BTBD3: variants seen among roughly 807,000 people sequenced by gnomAD.
BTBD3 encodes BTB domain containing 3.
In BTBD3, 14 loss-of-function variants were observed where a neutral mutation model predicts 41.6. That is an observed-to-expected ratio of 0.34 (90% CI 0.22 to 0.53). The LOEUF (loss-of-function observed/expected upper bound fraction) is 0.53, where lower values mean the gene tolerates loss of function less well. Ranked by LOEUF, BTBD3 falls within the 20% of genes least tolerant of loss-of-function variation. The pLI is 0.95. For missense variants in BTBD3, 426 were observed against 654.7 expected, an observed-to-expected ratio of 0.65 and a Z score of 3.81; for synonymous variants, 249 against 233.7, an observed-to-expected ratio of 1.07 and a Z score of -0.60.
chr20:11,914,460 C>A (rs747750633), upstream of BTBD3, among the ~76,000 whole-genome samples: 2 of 152,056 alleles, frequency 1.3e-5, no homozygotes, highest in Non-Finnish European at 2.9e-5. Flanking sequence ...AATAAATGCA[C>A]ACATACTGCC....
intron 3 of BTBD3, among the ~76,000 whole-genome samples, chr20:11,921,905 T>C (rs2056972927): frequency 6.6e-6 from 1 of 152,158 alleles, no homozygotes; most frequent in Non-Finnish European, 1.5e-5. Flanking sequence ...TCCTGTGAAG[T>C]GTTTTATATC....
At chr20:11,904,837 G>A (rs2056844092) in intron 1 of BTBD3, among the ~76,000 whole-genome samples, 1 of 152,186 alleles carries the variant, frequency 6.6e-6, no homozygotes, top group African/African-American at 2.4e-5. Flanking sequence ...TAATTGCCAT[G>A]TGGAATCTAA....
chr20:11,919,796 A>G lies in BTBD3; in HGVS notation c.496A>G (p.Ile166Val), dbSNP rs746149487. 5 of 1,614,086 alleles carry G rather than the reference A, an allele frequency of 3.1e-6. No homozygotes were observed. Among genetic ancestry groups the G allele is most frequent in the South Asian group, 2.2e-5 (2 of 91,088 alleles). The change falls in exon 3 of 4, where the codon ATA becomes GTA. Residue 166 changes from isoleucine (I) to valine (V), a missense_variant. Ile to Val is a conservative substitution (Grantham distance 29). Around this residue, in one of 3 missense-constraint regions of BTBD3, gnomAD observed 321 missense variants for 534.8 expected, o/e 0.60. Transcript: ENST00000378226. ...TGCAGAGGACAAAGATGAAATCCGT[A>G]TACCAGATGTCGAACCTGCTGCTTT... is the stretch of plus-strand genomic sequence containing the variant. ...ELAEDKDEIR[I>V]PDVEPAAFLA...
intron 2 of BTBD3, 107 bp downstream of exon 2, chr20:11,919,283 T>C: frequency 1.5e-6 from 2 of 1,351,418 alleles, no homozygotes; most frequent in Non-Finnish European, 2.0e-6. Context: ...AGGCAGTGCA[T>C]GTTTCACTCG....
intron 1 of BTBD3, among the ~76,000 whole-genome samples, chr20:11,911,277 C>T (rs562889993): frequency 2.6e-5 from 4 of 152,242 alleles, no homozygotes; most frequent in Non-Finnish European, 4.4e-5. Context: ...ATGGCACTTA[C>T]ATATGTACAC....
chr20:11,919,487 A>G (rs1457526189), intron 2 of BTBD3: 4 of 1,324,094 alleles, frequency 3.0e-6, no homozygotes, highest in Non-Finnish European at 4.0e-6. Context: ...TATTGTATGT[A>G]TTTAGTAATG....
intron 3 of BTBD3, among the ~76,000 whole-genome samples, chr20:11,921,239 A>G (rs2056967647): frequency 1.3e-5 from 2 of 152,260 alleles, no homozygotes; most frequent in Admixed American, 1.3e-4. Context: ...CAAGAATGGC[A>G]GAGAATTACA....
At chr20:11,916,916 C>T (rs188973158), upstream of BTBD3, among the ~76,000 whole-genome samples, 347 of 152,124 alleles carry the variant, frequency 2.3e-3, 1 homozygote, top group African/African-American at 6.7e-3. Context: ...TACTCACCAA[C>T]GCTAGAAATG....
At chr20:11,907,550 A>C (rs1396576074) in intron 1 of BTBD3, among the ~76,000 whole-genome samples, 3 of 152,234 alleles carry the variant, frequency 2.0e-5, no homozygotes, top group Admixed American at 2.0e-4. Flanking sequence ...ATGGAGATGC[A>C]GTCCTCAGAG....
In BTBD3 at chr20:11,922,964, T is replaced by C. The variant is rs996360240; in HGVS notation, c.867T>C (p.Ala289=). 1 of 1,614,220 alleles carries C rather than the reference T, an allele frequency of 6.2e-7. No individual in the cohort carries two copies. Among genetic ancestry groups the C allele is most frequent in the Non-Finnish European group, 8.5e-7 (1 of 1,180,044 alleles). ...NAKEIVVFEA[A]LNWAEVECQR... ...AAGAAATTGTGGTTTTTGAGGCAGC[T>C]CTCAACTGGGCTGAAGTAGAATGCC... is the stretch of plus-strand genomic sequence containing the variant. Residue 289 remains alanine, a synonymous_variant, in exon 4 of 4, where the codon GCT becomes GCC. Coordinates refer to ENST00000378226, the MANE Select transcript of BTBD3 (RefSeq NM_014962.4).
chr20:11,923,567 G>T lies in BTBD3; in HGVS notation c.1470G>T (p.Gln490His). The T allele has an allele frequency of 1.2e-6, 2 of 1,614,198 alleles. No individual in the cohort carries two copies. The highest frequency in any genetic ancestry group is 1.1e-5 in the South Asian group (1 of 91,082). Residue 490 changes from glutamine to histidine, a missense_variant, in exon 4 of 4, where the codon CAG becomes CAT. Coordinates refer to ENST00000378226, the MANE Select transcript of BTBD3 (RefSeq NM_014962.4). This position sits in a 1 kb window ranked among gnomAD's most constrained non-coding sequence, Gnocchi z 5.3. ...YFGQEGMTEV[Q>H]CGKVTVQFQC... The stretch of plus-strand genomic sequence containing the variant: ...GACAAGAAGGCATGACAGAAGTTCA[G>T]TGTGGCAAAGTGACTGTCCAGTTTC...
At chr20:11,913,252 ATTAG>A (rs1456534149), upstream of BTBD3, 1 of 152,318 alleles carries the variant, frequency 6.6e-6, no homozygotes, top group East Asian at 1.9e-4. Context: ...TGCCAGCATT[ATTAG>A]TTGTTGACAT....
At chr20:11,915,511 T>C (rs6104807), upstream of BTBD3, among the ~76,000 whole-genome samples, 107,712 of 152,034 alleles carry the variant, frequency 0.71, 38,616 homozygotes, top group Non-Finnish European at 0.76. Context: ...CCTTGAATAC[T>C]GTATGAAATG....
chr20:11,902,019 A>G (rs2056826684), intron 1 of BTBD3, among the ~76,000 whole-genome samples: 1 of 152,096 alleles, frequency 6.6e-6, no homozygotes, highest in Non-Finnish European at 1.5e-5. Context: ...ACTTGAGCAT[A>G]AAGAGGCACT....
chr20:11,892,883 G>A (rs1464047452), intron 1 of BTBD3, among the ~76,000 whole-genome samples: 1 of 152,060 alleles, frequency 6.6e-6, no homozygotes, highest in African/African-American at 2.4e-5. Flanking sequence ...TGGCAAAAAT[G>A]CCATGCTTAG....
chr20:11,909,133 G>C (rs2056874218), intron 1 of BTBD3, among the ~76,000 whole-genome samples: 1 of 152,012 alleles, frequency 6.6e-6, no homozygotes, highest in Non-Finnish European at 1.5e-5. Flanking sequence ...ACTTAGCCCG[G>C]TGTGGTGGCG....
intron 3 of BTBD3, among the ~76,000 whole-genome samples, chr20:11,920,499 GA>G (rs2056961494): frequency 6.6e-6 from 1 of 152,134 alleles, no homozygotes. Flanking sequence ...GAAACTTAAA[GA>G]TACGTTATAT....
At chr20:11,914,995 G>A (rs2056909555), upstream of BTBD3, among the ~76,000 whole-genome samples, 2 of 152,106 alleles carry the variant, frequency 1.3e-5, no homozygotes, top group African/African-American at 4.8e-5. Flanking sequence ...GCCCTTAAAG[G>A]CTAAATGATT....
At chr20:11,891,676 G>A (rs1024179681) in intron 1 of BTBD3, among the ~76,000 whole-genome samples, 1 of 152,140 alleles carries the variant, frequency 6.6e-6, no homozygotes. Context: ...GCTCTCTTGG[G>A]AAGAAAAGGC....
Sources: gnomAD v4.1 joint callset for allele counts (sites outside exome capture counted in the v4.1 genomes callset) on GRCh38, gnomAD v4.1.1 for gene constraint, gnomAD v4.1.1 regional missense constraint, Gnocchi (gnomAD v3.1) non-coding constraint, MANE v1.5 for transcripts, NCBI Gene and HGNC (gene_info 2026-07-23, HGNC 2026-07-21) for gene names.